ANKRD6: variants seen among roughly 807,000 people sequenced by gnomAD.
ANKRD6 encodes the protein ankyrin repeat domain 6, also known as ankyrin repeat domain-containing protein 6.
A neutral mutation model predicts 82.3 loss-of-function variants in ANKRD6; 56 were observed. The observed-to-expected ratio is 0.68, with a 90% CI of 0.55 to 0.85. The LOEUF (loss-of-function observed/expected upper bound fraction) is 0.85, where lower values mean the gene tolerates loss of function less well. Ranked by LOEUF, ANKRD6 falls within the 40% of genes least tolerant of loss-of-function variation. The pLI is 0.00. For missense variants in ANKRD6, 852 were observed against 907.6 expected, an observed-to-expected ratio of 0.94 and a Z score of 0.79; for synonymous variants, 347 against 352.1, an observed-to-expected ratio of 0.99 and a Z score of 0.16.
At position 89,633,731 on chromosome 6, in the gene ANKRD6, G is replaced by A. The variant is rs570891322; in HGVS notation, c.*2727G>A. 1 of 152,204 alleles carries A rather than the reference G, an allele frequency of 6.6e-6. No individual in the cohort carries two copies. The highest frequency in any genetic ancestry group is 6.5e-5 in the Admixed American group (1 of 15,284). The allele number at this position is 152,204 out of a possible 1,614,324, so 9.4% of individuals were successfully genotyped here. On this transcript the variant is annotated 3_prime_UTR_variant, in exon 16 of 16. Transcript: ENST00000339746. The stretch of plus-strand genomic sequence containing the variant: ...TGTTGATATACTTGAGGCATGTTAT[G>A]TGTCTTCTAATTAATATTTTTATCA...
rs567423542 is a variant in ANKRD6 at position 89,629,400 on chromosome 6, T to A, written c.1612+162T>A. 4.3e-6 allele frequency: 4 copies of A among 936,864 alleles called. No individual in the cohort carries two copies. The East Asian group carries it at 1.1e-4, about 25-fold the overall frequency. 58.0% of individuals were successfully genotyped at this position (936,864 alleles called of 1,614,324 possible). ...GGACTGTATTTTGCTCGTAACCATA[T>A]ACTCAGTTGCTATGTAATAATAAAG... On this transcript the variant is annotated intron_variant, in intron 15 of 15. Transcript: ENST00000339746.
At chr6:89,564,812 A>G (rs1404238007) in intron 1 of ANKRD6, among the ~76,000 whole-genome samples, 1 of 152,068 alleles carries the variant, frequency 6.6e-6, no homozygotes, top group Non-Finnish European at 1.5e-5. Flanking sequence ...TCTAGAATGG[A>G]AGGGGGCCGT....
intron 1 of ANKRD6, among the ~76,000 whole-genome samples, chr6:89,488,607 G>A (rs1357736597): frequency 6.6e-6 from 1 of 152,200 alleles, no homozygotes; most frequent in Non-Finnish European, 1.5e-5. Context: ...TAGGCCCCCA[G>A]AGCTATGCTT....
At chr6:89,547,107 C>T (rs1785193130) in intron 1 of ANKRD6, among the ~76,000 whole-genome samples, 1 of 152,120 alleles carries the variant, frequency 6.6e-6, no homozygotes, top group Non-Finnish European at 1.5e-5. Flanking sequence ...ATTACAGGTG[C>T]ATACCATTGT....
At chr6:89,608,367 A>T (rs923626355) in intron 5 of ANKRD6, among the ~76,000 whole-genome samples, 7 of 104,696 alleles carry the variant, frequency 6.7e-5, no homozygotes, top group Admixed American at 8.5e-5. Context: ...ACACACACAC[A>T]CTATATATAT....
chr6:89,518,124 C>T lies in ANKRD6; in HGVS notation c.-143-48710C>T, dbSNP rs143951158. On this transcript the variant is annotated intron_variant, in intron 1 of 15. Transcript: ENST00000339746. ...ATCATAAAAATAAGTATCTTATGGC[C>T]GGGCGTGGTGGCTCACGCCTGTGAT... Among the ~76,000 whole-genome samples the T allele has an allele frequency of 1.3e-4, 20 of 152,216 alleles. No homozygotes were observed. The East Asian group carries it at 1.9e-3, about 15-fold the overall frequency.
At chr6:89,505,727 C>A (rs188253002) in intron 1 of ANKRD6, among the ~76,000 whole-genome samples, 6 of 152,316 alleles carry the variant, frequency 3.9e-5, no homozygotes, top group Middle Eastern at 3.4e-3. Context: ...ATCCAGCAAT[C>A]CCACCTCTGG....
At chr6:89,464,522 A>G (rs117896648) in intron 1 of ANKRD6, among the ~76,000 whole-genome samples, 5,031 of 152,272 alleles carry the variant, frequency 0.033, 123 homozygotes, top group Non-Finnish European at 0.047. Flanking sequence ...CAGGAACATC[A>G]CATGATACAC....
At chr6:89,482,442 A>AT (rs1776917382) in intron 1 of ANKRD6, among the ~76,000 whole-genome samples, 1 of 152,094 alleles carries the variant, frequency 6.6e-6, no homozygotes, top group African/African-American at 2.4e-5. Context: ...TTTTAAATCA[A>AT]TTTTTTTATT....
intron 1 of ANKRD6, among the ~76,000 whole-genome samples, chr6:89,550,605 C>G (rs1390533646): frequency 2.0e-5 from 3 of 152,214 alleles, no homozygotes; most frequent in African/African-American, 7.2e-5. Flanking sequence ...CAGGTACATC[C>G]TGTTAGAAAG....
chr6:89,598,288 T>C, intron 3 of ANKRD6: 1 of 985,302 alleles, frequency 1.0e-6, no homozygotes, highest in South Asian at 4.7e-5. Context: ...CTCTGATTGG[T>C]CAATGAGCAA....
intron 2 of ANKRD6, among the ~76,000 whole-genome samples, chr6:89,595,007 C>A (rs1307802107): frequency 6.6e-6 from 1 of 152,190 alleles, no homozygotes; most frequent in Non-Finnish European, 1.5e-5. Context: ...CCACTTCAGC[C>A]TCCCAAAATG....
At chr6:89,552,039 A>G (rs1443411665) in intron 1 of ANKRD6, among the ~76,000 whole-genome samples, 1 of 152,236 alleles carries the variant, frequency 6.6e-6, no homozygotes, top group Admixed American at 6.5e-5. Context: ...GTCATGTGAC[A>G]TAATTATTGG....
At chr6:89,520,022 C>T (rs1041271429) in intron 1 of ANKRD6, among the ~76,000 whole-genome samples, 4 of 152,196 alleles carry the variant, frequency 2.6e-5, no homozygotes, top group Non-Finnish European at 5.9e-5. Context: ...GGATCTCGCT[C>T]TGTTGCTCAG....
Position 89,627,602 on chromosome 6 carries a change from T to C in ANKRD6, c.1391T>C (p.Leu464Pro), listed in dbSNP as rs1425255255. ...TQHQMRVLDK[L>P]MVERLSAERT... ...TCCTAGATGCGTGTTTTGGACAAGC[T>C]GATGGTTGAGCGACTTTCTGCAGAG... Residue 464 changes from leucine to proline, a missense_variant, in exon 14 of 16, where the codon CTG becomes CCG. By Grantham distance (98) the Leu-to-Pro change is moderately conservative. Transcript: ENST00000339746. The C allele has an allele frequency of 6.2e-7, 1 of 1,613,808 alleles. No homozygotes were observed. Among genetic ancestry groups the C allele is most frequent in the Non-Finnish European group, 8.5e-7 (1 of 1,179,754 alleles).
chr6:89,462,044 C>T (rs1009630197), intron 1 of ANKRD6, among the ~76,000 whole-genome samples: 1 of 151,734 alleles, frequency 6.6e-6, no homozygotes, highest in Admixed American at 6.6e-5. Flanking sequence ...CCAACCTGGC[C>T]AATATGGTGA....
Position 89,630,843 on chromosome 6 carries a change from G to A in ANKRD6, c.2023G>A (p.Val675Ile). 1 of 1,613,902 alleles carries A rather than the reference G, an allele frequency of 6.2e-7. No homozygotes were observed. The highest frequency in any genetic ancestry group is 8.5e-7 in the Non-Finnish European group (1 of 1,179,900). ...LELTQYFFEA[V>I]STQMEKWYER... ...GCTTACCCAGTATTTTTTTGAGGCTGTTTCTACCCAGATGGAAAAGTGGTA... is the reference window on the plus strand; with the variant it reads ...GCTTACCCAGTATTTTTTTGAGGCTATTTCTACCCAGATGGAAAAGTGGTA... The change falls in exon 16 of 16, where the codon GTT becomes ATT. Residue 675 changes from valine (V) to isoleucine (I), a missense_variant. Coordinates refer to ENST00000339746, the MANE Select transcript of ANKRD6 (RefSeq NM_001242809.2).
At position 89,630,508 on chromosome 6, in the gene ANKRD6, A is replaced by G; in HGVS notation, c.1688A>G (p.Glu563Gly). ...TCCCCTCCAGTGGTTAGGCCCAAAG[A>G]GAAGGCCCTCAACTCCACTGCTACC... is the stretch of plus-strand genomic sequence containing the variant. ...DSSPPVVRPK[E>G]KALNSTATQR... The change falls in exon 16 of 16, where the codon GAG (glutamate) becomes GGG (glycine). Residue 563 changes from glutamate to glycine, a missense_variant. Coordinates refer to ENST00000339746, the MANE Select transcript of ANKRD6 (RefSeq NM_001242809.2). The G allele has an allele frequency of 1.2e-6, 2 of 1,614,070 alleles. No homozygotes were observed. The highest frequency in any genetic ancestry group is 1.7e-6 in the Non-Finnish European group (2 of 1,179,902).
chr6:89,580,493 G>A (rs1436424199), intron 2 of ANKRD6, among the ~76,000 whole-genome samples: 5 of 151,922 alleles, frequency 3.3e-5, no homozygotes, highest in Non-Finnish European at 5.9e-5. Context: ...AATATTTTCC[G>A]GCAGCCACTT....
Sources: allele counts gnomAD v4.1 joint callset (sites outside exome capture counted in the v4.1 genomes callset), GRCh38; gene constraint gnomAD v4.1.1; transcripts MANE v1.5; gene names NCBI Gene and HGNC (gene_info 2026-07-23, HGNC 2026-07-21).